PCCA: variants seen among roughly 807,000 people sequenced by gnomAD.
PCCA encodes the protein propionyl-CoA carboxylase subunit alpha.
PCCA carries 74 observed loss-of-function variants against 101.3 expected under a neutral mutation model. The observed-to-expected ratio is 0.73, with a 90% CI of 0.61 to 0.89. PCCA has a LOEUF of 0.89. Ranked by LOEUF, PCCA falls within the 40% of genes least tolerant of loss-of-function variation. The pLI is 0.00. For missense variants in PCCA, 891 were observed against 907.0 expected (o/e 0.98, Z 0.23); for synonymous variants, 294 against 313.6 (o/e 0.94, Z 0.66).
intron 16 of PCCA, among the ~76,000 whole-genome samples, chr13:100,313,539 G>A (rs2067101840): frequency 6.6e-6 from 1 of 152,108 alleles, no homozygotes; most frequent in Admixed American, 6.6e-5. Flanking sequence ...CAGTTACTGG[G>A]TAAGATCACA....
At chr13:100,275,658 T>G (rs554667659) in intron 12 of PCCA, among the ~76,000 whole-genome samples, 3 of 152,228 alleles carry the variant, frequency 2.0e-5, no homozygotes, top group Non-Finnish European at 4.4e-5. Context: ...GTTTTCTTCT[T>G]GTCCAATCTC....
intron 4 of PCCA, among the ~76,000 whole-genome samples, chr13:100,122,169 G>A (rs147110029): frequency 6.6e-6 from 1 of 152,110 alleles, no homozygotes; most frequent in African/African-American, 2.4e-5. Flanking sequence ...ATTTTTTTGG[G>A]TGTTAAACCA....
chr13:100,237,882 C>T (rs958485367), intron 8 of PCCA, among the ~76,000 whole-genome samples: 6 of 151,560 alleles, frequency 4.0e-5, no homozygotes, highest in Non-Finnish European at 1.5e-5. Context: ...AATAGCAGGC[C>T]GTGGATTGCT....
intron 18 of PCCA, among the ~76,000 whole-genome samples, chr13:100,352,117 TG>T (rs1204758539): frequency 1.3e-5 from 2 of 152,094 alleles, no homozygotes; most frequent in Non-Finnish European, 2.9e-5. Flanking sequence ...AAAAAAGATA[TG>T]ACATATAGAA....
chr13:100,487,452 T>C (rs2084477460), intron 21 of PCCA, among the ~76,000 whole-genome samples: 1 of 152,212 alleles, frequency 6.6e-6, no homozygotes, highest in African/African-American at 2.4e-5. Flanking sequence ...TACATAGAAT[T>C]CTAAGAATTT....
At chr13:100,267,538 A>G (rs902620064) in intron 10 of PCCA, among the ~76,000 whole-genome samples, 8 of 152,220 alleles carry the variant, frequency 5.3e-5, no homozygotes, top group Admixed American at 4.6e-4. Context: ...AAGAAACAGA[A>G]TGACTTGTTC....
intron 10 of PCCA, 96 bp from the exon 11 acceptor site, chr13:100,268,593 A>T (rs79631831): frequency 1.2e-6 from 1 of 864,140 alleles, no homozygotes. Flanking sequence ...AAGTTTGAAT[A>T]TTAAAAACCA....
chr13:100,223,279 G>C (rs981419819), intron 7 of PCCA, among the ~76,000 whole-genome samples: 9 of 152,112 alleles, frequency 5.9e-5, no homozygotes, highest in African/African-American at 1.4e-4. Flanking sequence ...ATGAAGCCGC[G>C]GACCCTCGCG....
chr13:100,312,471 C>T (rs1448213514), intron 16 of PCCA, among the ~76,000 whole-genome samples: 4 of 152,140 alleles, frequency 2.6e-5, no homozygotes, highest in Non-Finnish European at 4.4e-5. Context: ...GGGATGGGCA[C>T]GCTCAAGCGT....
At chr13:100,332,429 C>T (rs1343379320) in intron 17 of PCCA, among the ~76,000 whole-genome samples, 4 of 151,990 alleles carry the variant, frequency 2.6e-5, no homozygotes, top group Admixed American at 6.6e-5. Context: ...AGATAGGAAA[C>T]AGTGGGCAGA....
intron 19 of PCCA, among the ~76,000 whole-genome samples, chr13:100,412,476 A>G (rs2078114461): frequency 6.6e-6 from 1 of 152,322 alleles, no homozygotes; most frequent in Admixed American, 6.5e-5. Flanking sequence ...ATACCTCCCC[A>G]GGATGTTTAT....
chr13:100,515,680 C>A, intron 22 of PCCA, 113 bp downstream of exon 22: 6 of 1,328,400 alleles, frequency 4.5e-6, no homozygotes, highest in East Asian at 4.6e-5. Flanking sequence ...ACTTAACCGA[C>A]GCCCCCTAAA....
intron 18 of PCCA, 103 bp from the exon 19 acceptor site, chr13:100,368,350 AAATGTTCGCAAATACATTC>A: frequency 1.6e-6 from 1 of 642,808 alleles, no homozygotes. Flanking sequence ...TAGGTGTTTA[AAATGTTCGCAAATACATTC>A]AATGGCAGTT....
intron 18 of PCCA, among the ~76,000 whole-genome samples, chr13:100,350,164 G>A (rs1204271782): frequency 1.3e-5 from 2 of 152,164 alleles, no homozygotes; most frequent in East Asian, 3.8e-4. Flanking sequence ...AGCCGGTATT[G>A]TTGAACGGGT....
At chr13:100,459,965 A>G (rs7997368) in intron 21 of PCCA, among the ~76,000 whole-genome samples, 15,814 of 151,862 alleles carry the variant, frequency 0.1, 1,379 homozygotes, top group African/African-American at 0.24. Context: ...CACCCTCATG[A>G]CCTCCTCTAA....
intron 12 of PCCA, among the ~76,000 whole-genome samples, chr13:100,277,881 G>A (rs1245770815): frequency 1.3e-5 from 2 of 152,126 alleles, no homozygotes; most frequent in African/African-American, 2.4e-5. Flanking sequence ...TAAAAACATT[G>A]CTGTATTTTC....
intron 21 of PCCA, among the ~76,000 whole-genome samples, chr13:100,494,345 G>A (rs1007430229): frequency 2.0e-5 from 3 of 152,136 alleles, no homozygotes; most frequent in African/African-American, 7.2e-5. Context: ...ACCTTCGGAT[G>A]CCATGGCTAG....
intron 9 of PCCA, among the ~76,000 whole-genome samples, chr13:100,259,624 C>T (rs1390093244): frequency 6.6e-6 from 1 of 151,998 alleles, no homozygotes; most frequent in Non-Finnish European, 1.5e-5. Context: ...TGCACCACTG[C>T]GCCCAACCTT....
At chr13:100,507,725 C>T (rs1427059622) in intron 21 of PCCA, among the ~76,000 whole-genome samples, 1 of 152,114 alleles carries the variant, frequency 6.6e-6, no homozygotes, top group Non-Finnish European at 1.5e-5. Context: ...GGCGCGATCT[C>T]GGCTCCCTGC....
Sources: gnomAD v4.1 joint callset for allele counts (sites outside exome capture counted in the v4.1 genomes callset) on GRCh38, gnomAD v4.1.1 for gene constraint, MANE v1.5 for transcripts, NCBI Gene and HGNC (gene_info 2026-07-23, HGNC 2026-07-21) for gene names.